Variants in BACH2 observed in about 807,000 individuals in gnomAD.
The protein encoded by BACH2 is transcription regulator protein BACH2.
A neutral mutation model predicts 61.8 loss-of-function variants in BACH2; 5 were observed. The ratio of observed to expected loss-of-function variants is 0.08; its 90% CI spans 0.04 to 0.17. The LOEUF is 0.17. BACH2 is among the 10% of genes least tolerant of loss of function. The probability of loss-of-function intolerance (pLI) is 1.00; values close to 1 mark genes in which losing one functional copy is unlikely to be tolerated. For synonymous variants in BACH2, 446 were observed against 440.1 expected, an observed-to-expected ratio of 1.01 and a Z score of -0.17; for missense variants, 824 against 1,091.1, an observed-to-expected ratio of 0.76 and a Z score of 3.45.
At chr6:90,144,090 C>T (rs1224883022) in intron 4 of BACH2, among the ~76,000 whole-genome samples, 1 of 152,132 alleles carries the variant, frequency 6.6e-6, no homozygotes, top group African/African-American at 2.4e-5. Context: ...AATTTTCATG[C>T]TAGAAAATGC....
intron 4 of BACH2, among the ~76,000 whole-genome samples, chr6:90,089,321 A>T (rs1782062335): frequency 6.6e-6 from 1 of 151,992 alleles, no homozygotes; most frequent in Non-Finnish European, 1.5e-5. Flanking sequence ...GCCTACTAGA[A>T]GCCCTATTCC....
chr6:90,048,178 G>A (rs62408194), intron 5 of BACH2, among the ~76,000 whole-genome samples: 9,538 of 151,998 alleles, frequency 0.063, 349 homozygotes, highest in South Asian at 0.095. Context: ...GCACAGACTG[G>A]TGTGCAGTGG....
At chr6:90,044,866 G>C (rs947956815) in intron 5 of BACH2, among the ~76,000 whole-genome samples, 1 of 152,198 alleles carries the variant, frequency 6.6e-6, no homozygotes, top group African/African-American at 2.4e-5. Context: ...GATGAGGGCA[G>C]AACAAGTGTT....
At chr6:89,976,478 G>A (rs369678372) in intron 6 of BACH2, among the ~76,000 whole-genome samples, 1 of 152,178 alleles carries the variant, frequency 6.6e-6, no homozygotes, top group Admixed American at 6.5e-5. Flanking sequence ...GATCACAGCC[G>A]ACAATATGCT....
At chr6:90,153,121 T>C (rs1386205077) in intron 4 of BACH2, among the ~76,000 whole-genome samples, 3 of 152,156 alleles carry the variant, frequency 2.0e-5, no homozygotes, top group Non-Finnish European at 4.4e-5. Flanking sequence ...TGCTCCTCCA[T>C]GAAGATAAGG....
At chr6:90,271,142 C>A (rs1208140686) in intron 2 of BACH2, among the ~76,000 whole-genome samples, 2 of 151,954 alleles carry the variant, frequency 1.3e-5, no homozygotes, top group Non-Finnish European at 2.9e-5. Flanking sequence ...TGGAAAAACT[C>A]TTCTAGACAT....
intron 6 of BACH2, among the ~76,000 whole-genome samples, chr6:89,998,457 A>T (rs1280240411): frequency 6.6e-6 from 1 of 152,146 alleles, no homozygotes; most frequent in African/African-American, 2.4e-5. Context: ...GATGAATTTT[A>T]CTATGTGTAC....
intron 6 of BACH2, among the ~76,000 whole-genome samples, chr6:89,994,933 C>A (rs1402402702): frequency 2.0e-5 from 3 of 152,198 alleles, no homozygotes; most frequent in African/African-American, 7.2e-5. Flanking sequence ...ACACCACTTG[C>A]ACTCACATTT....
chr6:89,966,912 G>T (rs942635990), intron 6 of BACH2, among the ~76,000 whole-genome samples: 3 of 152,170 alleles, frequency 2.0e-5, no homozygotes, highest in Admixed American at 2.0e-4. Context: ...TGTTGCTCAG[G>T]CTGGTCATGA....
intron 3 of BACH2, among the ~76,000 whole-genome samples, chr6:90,243,034 C>A (rs1001284096): frequency 6.6e-6 from 1 of 150,658 alleles, no homozygotes; most frequent in Non-Finnish European, 1.5e-5. Flanking sequence ...GATACACCAC[C>A]ATGCCCGGCT....
chr6:90,155,663 T>C (rs764925028), intron 4 of BACH2, among the ~76,000 whole-genome samples: 9 of 152,196 alleles, frequency 5.9e-5, no homozygotes, highest in Non-Finnish European at 1.2e-4. Context: ...AACTGCAGCC[T>C]CTTCCTATCC....
intron 5 of BACH2, among the ~76,000 whole-genome samples, chr6:90,056,909 G>A (rs1354369587): frequency 2.6e-5 from 4 of 152,186 alleles, no homozygotes; most frequent in Non-Finnish European, 4.4e-5. Context: ...AAATAAAGAT[G>A]TTCTTTGAAA....
chr6:90,158,403 C>T (rs1484578857), intron 4 of BACH2, among the ~76,000 whole-genome samples: 1 of 152,072 alleles, frequency 6.6e-6, no homozygotes, highest in East Asian at 1.9e-4. Flanking sequence ...TTCACTTACA[C>T]TATCTCATCG....
At chr6:90,067,729 A>G (rs1447675388) in intron 5 of BACH2, among the ~76,000 whole-genome samples, 2 of 152,154 alleles carry the variant, frequency 1.3e-5, no homozygotes, top group Non-Finnish European at 2.9e-5. Context: ...TGTGCTCAAC[A>G]CTTCTAAATG....
At chr6:90,138,667 T>C (rs1784363824) in intron 4 of BACH2, among the ~76,000 whole-genome samples, 1 of 152,100 alleles carries the variant, frequency 6.6e-6, no homozygotes, top group Admixed American at 6.5e-5. Context: ...GGCGAATTCA[T>C]TAAATCCACC....
chr6:90,084,939 G>T (rs1781868698), intron 5 of BACH2, among the ~76,000 whole-genome samples: 1 of 152,058 alleles, frequency 6.6e-6, no homozygotes, highest in African/African-American at 2.4e-5. Flanking sequence ...GAGGGTAAAG[G>T]TAGTGAAGAC....
At chr6:90,188,160 C>G (rs1299187539) in intron 4 of BACH2, among the ~76,000 whole-genome samples, 1 of 152,206 alleles carries the variant, frequency 6.6e-6, no homozygotes, top group African/African-American at 2.4e-5. Context: ...GTCATACAGA[C>G]CAGCAGCCAG....
intron 1 of BACH2, among the ~76,000 whole-genome samples, chr6:90,285,669 A>C (rs1582567371): frequency 6.6e-6 from 1 of 152,272 alleles, no homozygotes; most frequent in South Asian, 2.1e-4. Context: ...TGCTGGCAGG[A>C]GAAGAGGACC....
At chr6:90,214,496 G>C (rs1769462523) in intron 3 of BACH2, among the ~76,000 whole-genome samples, 1 of 152,158 alleles carries the variant, frequency 6.6e-6, no homozygotes, top group Admixed American at 6.5e-5. Context: ...CGTTAAGGGG[G>C]CCAGCTATCT....
Sources: gnomAD v4.1 joint callset for allele counts (sites outside exome capture counted in the v4.1 genomes callset) on GRCh38, gnomAD v4.1.1 for gene constraint, MANE v1.5 for transcripts, NCBI Gene and HGNC (gene_info 2026-07-23, HGNC 2026-07-21) for gene names.